CSMD2: variants seen among roughly 807,000 people sequenced by gnomAD.
CSMD2 encodes the protein CUB and Sushi multiple domains 2.
A neutral mutation model predicts 398.5 loss-of-function variants in CSMD2; 130 were observed. The observed-to-expected ratio is 0.33, with a 90% CI of 0.28 to 0.38. The LOEUF (loss-of-function observed/expected upper bound fraction) is 0.38. Ranked by LOEUF, CSMD2 falls within the 10% of genes least tolerant of loss-of-function variation. CSMD2 has a pLI of 1.00. For synonymous variants in CSMD2, 1,828 were observed against 1,908.5 expected, an observed-to-expected ratio of 0.96 and a Z score of 1.10; for missense variants, 3,829 against 4,764.9, an observed-to-expected ratio of 0.80 and a Z score of 5.78.
chr1:33,660,485 G>C (rs1644096260), intron 26 of CSMD2, among the ~76,000 whole-genome samples: 1 of 152,178 alleles, frequency 6.6e-6, no homozygotes, highest in South Asian at 2.1e-4. Context: ...AATCGTCCCT[G>C]GCATTTCTGT....
At chr1:34,135,242 T>TCACACA (rs66898227) in intron 1 of CSMD2, among the ~76,000 whole-genome samples, 11,340 of 135,254 alleles carry the variant, frequency 0.084, 503 homozygotes, top group Middle Eastern at 0.15. Flanking sequence ...CATGTTGAAA[T>TCACACA]CACACACACA....
intron 25 of CSMD2, among the ~76,000 whole-genome samples, chr1:33,675,803 C>T (rs1255561162): frequency 2.6e-5 from 4 of 152,162 alleles, no homozygotes; most frequent in Non-Finnish European, 5.9e-5. Flanking sequence ...ACTGGTTCAA[C>T]ATACGCAAAT....
chr1:33,602,753 T>C (rs186418958), intron 42 of CSMD2, among the ~76,000 whole-genome samples: 17 of 152,278 alleles, frequency 1.1e-4, no homozygotes, highest in African/African-American at 3.8e-4. Context: ...TGGCTCTCAA[T>C]CATCACTGCA....
At chr1:33,770,539 C>T (rs1557867138) in intron 13 of CSMD2, among the ~76,000 whole-genome samples, 1 of 152,200 alleles carries the variant, frequency 6.6e-6, no homozygotes, top group Non-Finnish European at 1.5e-5. Context: ...CCGGTTGGCT[C>T]CCTCTGGCTT....
chr1:33,737,536 A>T (rs1646923357), intron 15 of CSMD2, among the ~76,000 whole-genome samples: 1 of 152,160 alleles, frequency 6.6e-6, no homozygotes, highest in Non-Finnish European at 1.5e-5. Context: ...CCCATTATCA[A>T]CCTGCATTTT....
chr1:33,937,235 A>G (rs1644508296), intron 3 of CSMD2, among the ~76,000 whole-genome samples: 1 of 152,228 alleles, frequency 6.6e-6, no homozygotes, highest in Admixed American at 6.5e-5. Context: ...TTAATGGCAC[A>G]CTAAGAGTTA....
At chr1:33,940,436 C>T (rs969504032) in intron 3 of CSMD2, among the ~76,000 whole-genome samples, 1 of 152,020 alleles carries the variant, frequency 6.6e-6, no homozygotes, top group Non-Finnish European at 1.5e-5. Context: ...ATAATACCTA[C>T]CCCTGAGTGC....
intron 15 of CSMD2, among the ~76,000 whole-genome samples, chr1:33,729,001 T>C (rs1646633959): frequency 6.6e-6 from 1 of 152,140 alleles, no homozygotes; most frequent in Non-Finnish European, 1.5e-5. Context: ...CATGAGACCT[T>C]AGAGGTGGGG....
intron 5 of CSMD2, among the ~76,000 whole-genome samples, chr1:33,865,659 G>A (rs566515274): frequency 6.6e-6 from 1 of 152,284 alleles, no homozygotes; most frequent in East Asian, 1.9e-4. Flanking sequence ...GCAGTCCAGG[G>A]AATGTGGACA....
At chr1:33,643,897 G>T (rs751974351) in intron 29 of CSMD2, among the ~76,000 whole-genome samples, 6 of 110,122 alleles carry the variant, frequency 5.4e-5, no homozygotes, top group Non-Finnish European at 8.1e-5. Flanking sequence ...AATGAAGGAA[G>T]GAAGGAAGGA....
chr1:33,612,907 T>C (rs1342833913), intron 40 of CSMD2, among the ~76,000 whole-genome samples: 1 of 152,224 alleles, frequency 6.6e-6, no homozygotes, highest in African/African-American at 2.4e-5. Flanking sequence ...GACATCTTTG[T>C]ATACATTATC....
At chr1:33,680,147 CCTTTT>C (rs1644857961) in intron 25 of CSMD2, among the ~76,000 whole-genome samples, 1 of 66,214 alleles carries the variant, frequency 1.5e-5, no homozygotes, top group Admixed American at 2.2e-4. Context: ...GATGGCCTCG[CCTTTT>C]TTTTTTTTTT....
chr1:33,835,517 G>A (rs1392268364), intron 6 of CSMD2, among the ~76,000 whole-genome samples: 2 of 72,572 alleles, frequency 2.8e-5, no homozygotes, highest in African/African-American at 8.6e-5. Context: ...TGGGGGTAGG[G>A]GGGAGGGATG....
intron 19 of CSMD2, among the ~76,000 whole-genome samples, chr1:33,719,993 G>A (rs986877840): frequency 2.0e-5 from 3 of 152,192 alleles, no homozygotes; most frequent in African/African-American, 7.2e-5. Flanking sequence ...CTGCTCCCTT[G>A]GACTGGGCAG....
At chr1:33,906,383 T>C (rs902235207) in intron 5 of CSMD2, among the ~76,000 whole-genome samples, 34 of 152,296 alleles carry the variant, frequency 2.2e-4, no homozygotes, top group African/African-American at 7.7e-4. Context: ...ATTAAGCCAT[T>C]CTCGTAGCAG....
chr1:34,002,833 GATAA>G (rs1031280343), intron 3 of CSMD2, among the ~76,000 whole-genome samples: 2 of 151,916 alleles, frequency 1.3e-5, no homozygotes, highest in African/African-American at 4.8e-5. Flanking sequence ...TAATGGAAAA[GATAA>G]ATTAAAAAAA....
chr1:34,070,532 A>G (rs1349361889), intron 2 of CSMD2, among the ~76,000 whole-genome samples: 2 of 152,258 alleles, frequency 1.3e-5, no homozygotes, highest in Admixed American at 6.5e-5. Context: ...TGACACTTCA[A>G]TTGGATTGTT....
At chr1:33,561,863 G>T (rs1313987123) in intron 53 of CSMD2, among the ~76,000 whole-genome samples, 5 of 152,194 alleles carry the variant, frequency 3.3e-5, no homozygotes, top group Non-Finnish European at 5.9e-5. Flanking sequence ...GGTGTTTGCA[G>T]CCAGCTCGGG....
intron 12 of CSMD2, among the ~76,000 whole-genome samples, chr1:33,773,480 G>T (rs1387560146): frequency 2.0e-5 from 3 of 152,188 alleles, no homozygotes; most frequent in African/African-American, 7.2e-5. Context: ...CAGCTCTGGG[G>T]GCCCTGAACC....
Sources: allele counts gnomAD v4.1 joint callset (sites outside exome capture counted in the v4.1 genomes callset), GRCh38; gene constraint gnomAD v4.1.1; transcripts MANE v1.5; gene names NCBI Gene and HGNC (gene_info 2026-07-23, HGNC 2026-07-21).